GNB4: variants seen among roughly 807,000 people sequenced by gnomAD.
GNB4 encodes the protein G protein subunit beta 4.
In GNB4, 28 loss-of-function variants were observed where a neutral mutation model predicts 45.2. That is an observed-to-expected ratio of 0.62 (90% confidence interval 0.46 to 0.85). The LOEUF (loss-of-function observed/expected upper bound fraction) is 0.85. GNB4 is among the 40% of genes least tolerant of loss of function. The pLI is 0.00. For missense variants in GNB4, 321 were observed against 425.4 expected, an observed-to-expected ratio of 0.75 and a Z score of 2.16; for synonymous variants, 132 against 143.7, an observed-to-expected ratio of 0.92 and a Z score of 0.58.
At position 179,401,072 on chromosome 3, in the gene GNB4, GT is replaced by G. The variant is rs1375436976; in HGVS notation, c.*140del. 2 of 526,706 alleles carry G rather than the reference GT, an allele frequency of 3.8e-6. No individual in the cohort carries two copies. The highest frequency in any genetic ancestry group is 6.4e-6 in the Non-Finnish European group (2 of 314,542). The allele number at this position is 526,706 out of a possible 1,614,324, so 32.6% of individuals were successfully genotyped here. ...CTCCACCCCCACTTTTTTTTTGGTA[GT>G]TTACTGAAAGCTTGTTTTTGTAGAT... On this transcript the variant is annotated 3_prime_UTR_variant, in exon 10 of 10. Coordinates refer to ENST00000232564, the MANE Select transcript of GNB4 (RefSeq NM_021629.4).
the GNB4 span, among the ~76,000 whole-genome samples, chr3:179,508,956 A>ATATATATATATATATATAT: frequency 6.9e-6 from 1 of 145,362 alleles, no homozygotes; most frequent in Non-Finnish European, 1.5e-5. Context: ...ATATATATAT[A>ATATATATATATATATATAT]GTCCCTGTAA....
chr3:179,468,052 A>ATATATATATATATATAT, the GNB4 span, among the ~76,000 whole-genome samples: 3 of 139,424 alleles, frequency 2.2e-5, no homozygotes, highest in Non-Finnish European at 1.5e-5. Context: ...ATATATATAG[A>ATATATATATATATATAT]ACAGGTGTGG....
chr3:179,509,265 C>T, the GNB4 span, among the ~76,000 whole-genome samples: 1 of 151,682 alleles, frequency 6.6e-6, no homozygotes, highest in East Asian at 1.9e-4. Flanking sequence ...ATTGAATCAT[C>T]CTTGTCTTAG....
the GNB4 span, among the ~76,000 whole-genome samples, chr3:179,484,844 G>A: frequency 2.0e-5 from 3 of 151,422 alleles, no homozygotes; most frequent in South Asian, 6.3e-4. Context: ...ATATGTGTGT[G>A]TGTGTGTGTG....
the GNB4 span, among the ~76,000 whole-genome samples, chr3:179,504,585 C>A: frequency 6.6e-6 from 1 of 152,194 alleles, no homozygotes; most frequent in Non-Finnish European, 1.5e-5. Flanking sequence ...CAGACCATTT[C>A]AGAGAGCTTG....
upstream of GNB4, chr3:179,451,477 T>G (rs1413024723): frequency 6.6e-6 from 1 of 150,560 alleles, no homozygotes; most frequent in Non-Finnish European, 1.5e-5. Flanking sequence ...CCACACCCAG[T>G]CCCGCACCTC....
the GNB4 span, among the ~76,000 whole-genome samples, chr3:179,498,874 G>A: frequency 3.3e-5 from 5 of 150,448 alleles, no homozygotes; most frequent in Admixed American, 6.7e-5. Flanking sequence ...CCATCAACCC[G>A]TCATCTATAT....
chr3:179,487,842 G>A, the GNB4 span, among the ~76,000 whole-genome samples: 1 of 152,080 alleles, frequency 6.6e-6, no homozygotes, highest in African/African-American at 2.4e-5. Context: ...CTTGAGGTCA[G>A]GATTTGAGAC....
chr3:179,421,183 A>G (rs1178448008), intron 2 of GNB4, among the ~76,000 whole-genome samples: 2 of 152,154 alleles, frequency 1.3e-5, no homozygotes, highest in African/African-American at 2.4e-5. Context: ...CATCACCCCA[A>G]AAAAGAAACC....
chr3:179,515,634 A>T, the GNB4 span, among the ~76,000 whole-genome samples: 1 of 152,142 alleles, frequency 6.6e-6, no homozygotes, highest in Non-Finnish European at 1.5e-5. Flanking sequence ...GGCCATCTGG[A>T]TGTATACATG....
At chr3:179,495,235 A>G in the GNB4 span, among the ~76,000 whole-genome samples, 1 of 152,062 alleles carries the variant, frequency 6.6e-6, no homozygotes, top group Non-Finnish European at 1.5e-5. Context: ...GGAAAAAAAG[A>G]GAGGCTGAGG....
At chr3:179,443,507 C>A (rs1226612936) in intron 1 of GNB4, among the ~76,000 whole-genome samples, 2 of 152,170 alleles carry the variant, frequency 1.3e-5, no homozygotes, top group Admixed American at 6.5e-5. Flanking sequence ...CCACTGTACT[C>A]CAGCCTGGGT....
the GNB4 span, among the ~76,000 whole-genome samples, chr3:179,501,062 G>C: frequency 6.6e-6 from 1 of 152,184 alleles, no homozygotes; most frequent in Non-Finnish European, 1.5e-5. Flanking sequence ...AGTTGAGTAA[G>C]CTCTGGAAGT....
intron 1 of GNB4, among the ~76,000 whole-genome samples, chr3:179,442,086 C>G (rs1374025224): frequency 6.6e-6 from 1 of 152,160 alleles, no homozygotes. Flanking sequence ...GGATTACAGG[C>G]GTGAGCCACC....
intron 1 of GNB4, among the ~76,000 whole-genome samples, chr3:179,431,234 T>G (rs1715299829): frequency 6.6e-6 from 1 of 152,116 alleles, no homozygotes; most frequent in African/African-American, 2.4e-5. Flanking sequence ...CCTGCTCTTT[T>G]GCACTTTCTG....
chr3:179,517,943 C>T, the GNB4 span, among the ~76,000 whole-genome samples: 3,200 of 151,798 alleles, frequency 0.021, 50 homozygotes, highest in South Asian at 0.078. Context: ...TGGCAAGTAC[C>T]GCTTTTCTGG....
the GNB4 span, among the ~76,000 whole-genome samples, chr3:179,478,464 C>T: frequency 1.2e-4 from 18 of 152,292 alleles, no homozygotes; most frequent in Admixed American, 5.9e-4. Context: ...AGTTAACTCA[C>T]ATCCTTTGAG....
At chr3:179,431,034 A>G (rs2108608466) in intron 1 of GNB4, among the ~76,000 whole-genome samples, 1 of 152,308 alleles carries the variant, frequency 6.6e-6, no homozygotes, top group East Asian at 1.9e-4. Context: ...AAACCACAAT[A>G]CTATTATCAT....
At chr3:179,456,215 C>CT (rs1715976131), upstream of GNB4, among the ~76,000 whole-genome samples, 1 of 151,448 alleles carries the variant, frequency 6.6e-6, no homozygotes, top group East Asian at 2.0e-4. Flanking sequence ...CTCGAGCCTC[C>CT]TGAGTAGGTG....
Sources: allele counts gnomAD v4.1 joint callset (sites outside exome capture counted in the v4.1 genomes callset), GRCh38; gene constraint gnomAD v4.1.1; transcripts MANE v1.5; gene names NCBI Gene and HGNC (gene_info 2026-07-23, HGNC 2026-07-21).